TCF25: variants seen among roughly 807,000 people sequenced by gnomAD.
The protein encoded by TCF25 is TCF25 ribosome quality control complex subunit.
A neutral mutation model predicts 83.1 loss-of-function variants in TCF25; 41 were observed. The ratio of observed to expected loss-of-function variants is 0.49; its 90% CI spans 0.38 to 0.64. The LOEUF (loss-of-function observed/expected upper bound fraction) is 0.64. TCF25 is among the 30% of genes least tolerant of loss of function. The pLI, the probability that TCF25 is intolerant of heterozygous loss-of-function variation, is 0.00. For missense variants in TCF25, 979 were observed against 914.5 expected (o/e 1.07, Z -0.91); for synonymous variants, 458 against 365.0 (o/e 1.25, Z -2.90).
intron 11 of TCF25, 94 bp from the exon 12 acceptor site, chr16:89,900,541 G>A: frequency 7.0e-7 from 1 of 1,418,480 alleles, no homozygotes; most frequent in Non-Finnish European, 9.5e-7. Context: ...CCTGCTCGGG[G>A]TAGGGCTCAC....
intron 1 of TCF25, among the ~76,000 whole-genome samples, chr16:89,880,216 T>C (rs1341921866): frequency 2.3e-4 from 35 of 152,238 alleles, no homozygotes; most frequent in Admixed American, 2.3e-3. Flanking sequence ...TAGAGCTTTT[T>C]ATGAATTCGA....
At chr16:89,886,264 A>G (rs1434027634) in intron 4 of TCF25, 14 of 368,108 alleles carry the variant, frequency 3.8e-5, no homozygotes, top group Non-Finnish European at 6.4e-5. Flanking sequence ...CCTCTCTACT[A>G]AAAATACAAA....
At chr16:89,883,784 C>T (rs1366389020) in intron 2 of TCF25, 4 of 374,142 alleles carry the variant, frequency 1.1e-5, no homozygotes, top group Non-Finnish European at 1.5e-5. Flanking sequence ...TAGCCAACCG[C>T]GCACGTGTGT....
chr16:89,908,588 C>T (rs2045223426), intron 16 of TCF25, among the ~76,000 whole-genome samples: 1 of 148,276 alleles, frequency 6.7e-6, no homozygotes, highest in Non-Finnish European at 1.5e-5. Flanking sequence ...TTCCCACCTC[C>T]CAGCTCCCGC....
rs547705089 is a variant in TCF25, at chr16:89,881,279, C to T, written c.193-2072C>T. The stretch of plus-strand genomic sequence containing the variant: ...CTCAATTCTGTTTCAGAAACTATCT[C>T]AGGGCTATGGGGCTTGGAGCTGATT... On this transcript the variant is annotated intron_variant, in intron 1 of 17. Coordinates refer to ENST00000263346, the MANE Select transcript of TCF25 (RefSeq NM_014972.3). Among the ~76,000 whole-genome samples, 11 of 152,246 alleles carry T rather than the reference C, an allele frequency of 7.2e-5. 1 individual carries two copies. The South Asian group carries it at 2.3e-3, about 32-fold the overall frequency.
chr16:89,882,933 C>CT (rs1597280271), intron 1 of TCF25, among the ~76,000 whole-genome samples: 1 of 152,186 alleles, frequency 6.6e-6, no homozygotes, highest in Admixed American at 6.5e-5. Flanking sequence ...TCCTTGGTGC[C>CT]TTTTTTTCCT....
At chr16:89,910,411 G>A in intron 16 of TCF25, 180 bp from the exon 17 acceptor site, 2 of 634,394 alleles carry the variant, frequency 3.2e-6, no homozygotes, top group East Asian at 2.7e-5. Flanking sequence ...AAGCTGATGA[G>A]GAAGCCTCAC....
chr16:89,885,574 T>G (rs575948588), intron 3 of TCF25, among the ~76,000 whole-genome samples: 28 of 152,344 alleles, frequency 1.8e-4, no homozygotes, highest in Admixed American at 1.6e-3. Flanking sequence ...CAACCCTGTT[T>G]GCCTGAGGAG....
chr16:89,896,367 GA>G (rs892386826), intron 9 of TCF25, among the ~76,000 whole-genome samples: 1 of 152,054 alleles, frequency 6.6e-6, no homozygotes, highest in Non-Finnish European at 1.5e-5. Flanking sequence ...ACCATAGTGA[GA>G]CCCCCATCTC....
intron 12 of TCF25, among the ~76,000 whole-genome samples, chr16:89,902,637 C>T (rs1215984608): frequency 2.1e-5 from 3 of 145,772 alleles, no homozygotes; most frequent in East Asian, 2.3e-4. Flanking sequence ...TGCAGTGAGC[C>T]GAGATCGCGC....
At chr16:89,881,453 T>A (rs4257207) in intron 1 of TCF25, among the ~76,000 whole-genome samples, 10,136 of 152,144 alleles carry the variant, frequency 0.067, 535 homozygotes, top group East Asian at 0.26. Context: ...GCTTTTTTTT[T>A]AAAAAATTTA....
chr16:89,910,377 TCCCGCTGTCCACAGCCCCA>T, intron 16 of TCF25, 195 bp from the exon 17 acceptor site: 1 of 596,602 alleles, frequency 1.7e-6, no homozygotes, highest in South Asian at 2.0e-5. Context: ...CTCATCCTGT[TCCCGCTGTCCACAGCCCCA>T]CCCTAAGCTG....
chr16:89,876,409 G>A lies in TCF25; in HGVS notation c.192+2550G>A, dbSNP rs78686302. On this transcript the variant is annotated intron_variant, in intron 1 of 17. Transcript: ENST00000263346. ...TATGAATGTGAATGCATTGGTGAGAGACATGGTGTTTCTCTTTTTAAAAAA... is the reference window on the plus strand; with the variant it reads ...TATGAATGTGAATGCATTGGTGAGAAACATGGTGTTTCTCTTTTTAAAAAA... 3.5e-3 allele frequency among the ~76,000 whole-genome samples: 526 copies of A among 152,296 alleles called. 1 individual carries two copies. Among genetic ancestry groups the A allele is most frequent in the African/African-American group, 0.012 (507 of 41,558 alleles).
chr16:89,910,500 G>T (rs2045474318), intron 16 of TCF25, 91 bp from the exon 17 acceptor site: 6 of 1,362,244 alleles, frequency 4.4e-6, no homozygotes, highest in Non-Finnish European at 5.2e-6. Context: ...TCCCTGCGAG[G>T]GAGGCAGCTG....
intron 12 of TCF25, chr16:89,901,122 G>T: frequency 4.3e-6 from 1 of 234,292 alleles, no homozygotes; most frequent in Non-Finnish European, 8.6e-6. Context: ...AGCAGGGGAA[G>T]GTCTCGGCAG....
At position 89,883,500 on chromosome 16, in the gene TCF25, G is replaced by C. The variant is rs1227619345; in HGVS notation, c.342G>C (p.Val114=). 1.9e-6 allele frequency: 3 copies of C among 1,606,012 alleles called. No individual in the cohort carries two copies. Among genetic ancestry groups the C allele is most frequent in the Non-Finnish European group, 2.5e-6 (3 of 1,176,766 alleles). Residue 114 remains valine, a synonymous_variant, in exon 2 of 18, where the codon GTG becomes GTC. Transcript: ENST00000263346. Reference sequence around the variant, plus strand: ...CGGATGGAGATGACACCGAGACAGTGCCCTCAGAGCAGGTGGGGGGCTGAG... The same window carrying C: ...CGGATGGAGATGACACCGAGACAGTCCCCTCAGAGCAGGTGGGGGGCTGAG... ...SKTDGDDTET[V]PSEQSHASGK...
intron 5 of TCF25, 108 bp from the exon 6 acceptor site, chr16:89,892,085 T>C: frequency 9.3e-7 from 1 of 1,073,510 alleles, no homozygotes; most frequent in African/African-American, 1.6e-5. Context: ...ACATGCCTTC[T>C]CTGCCCCTCA....
intron 9 of TCF25, among the ~76,000 whole-genome samples, chr16:89,896,549 A>ATT (rs869089266): frequency 1.3e-3 from 148 of 112,344 alleles, no homozygotes; most frequent in South Asian, 2.9e-3. Context: ...TCAAAACAGC[A>ATT]TTTTTTTTTT....
At position 89,878,425 on chromosome 16, in the gene TCF25, A is replaced by G. The variant is rs1470908133; in HGVS notation, c.192+4566A>G. ...ACATGGTGAAACTCCGTCTCTATTAAAAATCACCATTTTTTTTTTTTTTTT... is the reference window on the plus strand; with the variant it reads ...ACATGGTGAAACTCCGTCTCTATTAGAAATCACCATTTTTTTTTTTTTTTT... On this transcript the variant is annotated intron_variant, in intron 1 of 17. Transcript: ENST00000263346. The G allele has an allele frequency of 3.2e-6, 4 of 1,236,110 alleles. No homozygotes were observed. The East Asian group carries it at 2.3e-4, about 71-fold the overall frequency. 76.6% of individuals were successfully genotyped at this position (1,236,110 alleles called of 1,614,324 possible).
Sources: allele counts gnomAD v4.1 joint callset (sites outside exome capture counted in the v4.1 genomes callset), GRCh38; gene constraint gnomAD v4.1.1; transcripts MANE v1.5; gene names NCBI Gene and HGNC (gene_info 2026-07-23, HGNC 2026-07-21).